LY6S: variants seen among roughly 807,000 people sequenced by gnomAD.
LY6S encodes lymphocyte antigen 6 family member S, also known as lymphocyte antigen 6S.
the LY6S span, among the ~76,000 whole-genome samples, chr8:143,071,265 C>G: frequency 6.6e-6 from 1 of 152,148 alleles, no homozygotes; most frequent in Non-Finnish European, 1.5e-5. Flanking sequence ...TTAAAGCACC[C>G]AAGAAGAGGT....
the LY6S span, among the ~76,000 whole-genome samples, chr8:143,067,502 G>A: frequency 4.6e-5 from 7 of 152,320 alleles, no homozygotes; most frequent in Admixed American, 2.0e-4. Context: ...AGTATTTCTC[G>A]TCAGGTGGAG....
the LY6S span, chr8:143,049,419 C>G: frequency 2.5e-6 from 1 of 397,864 alleles, no homozygotes; most frequent in Non-Finnish European, 5.1e-6. Context: ...GCAGCTCCGT[C>G]TTTCCAGAGG....
chr8:143,066,056 C>T, the LY6S span: 1 of 391,190 alleles, frequency 2.6e-6, no homozygotes. Context: ...AAAGTAGCTT[C>T]ACATACAGCT....
chr8:143,067,526 A>G, the LY6S span, among the ~76,000 whole-genome samples: 5 of 152,364 alleles, frequency 3.3e-5, no homozygotes, highest in South Asian at 1.0e-3. Flanking sequence ...AGAGACTGAG[A>G]AAAGAAATAA....
chr8:143,045,857 AT>A, the LY6S span, among the ~76,000 whole-genome samples: 526 of 148,084 alleles, frequency 3.6e-3, 4 homozygotes, highest in African/African-American at 0.012. The surrounding 1 kb of genome is among the most constrained non-coding windows in gnomAD (Gnocchi z 5.3). Context: ...CAATTTACTC[AT>A]TTTTTTTTTT....
At chr8:143,070,458 A>AT in the LY6S span, among the ~76,000 whole-genome samples, 1 of 44,000 alleles carries the variant, frequency 2.3e-5, no homozygotes, top group African/African-American at 7.4e-5. Flanking sequence ...ATATATATAT[A>AT]TATATAATAT....
chr8:143,067,040 C>T, the LY6S span, among the ~76,000 whole-genome samples: 9 of 152,224 alleles, frequency 5.9e-5, no homozygotes, highest in Admixed American at 3.9e-4. Context: ...CCCTCATGAA[C>T]GTGTTGGCGC....
At chr8:143,043,237 A>C in the LY6S span, 1 of 1,366,450 alleles carries the variant, frequency 7.3e-7, no homozygotes, top group Non-Finnish European at 9.8e-7. Flanking sequence ...TTGCAGCAAG[A>C]GATCTGGGAG....
chr8:143,068,569 T>A, the LY6S span, among the ~76,000 whole-genome samples: 2 of 152,038 alleles, frequency 1.3e-5, no homozygotes, highest in Non-Finnish European at 2.9e-5. Context: ...CAAGAGCCAA[T>A]TAAACCTCTT....
At chr8:143,052,163 C>T in the LY6S span, among the ~76,000 whole-genome samples, 1 of 144,602 alleles carries the variant, frequency 6.9e-6, no homozygotes, top group Non-Finnish European at 1.5e-5. Context: ...CGCCTGTAGT[C>T]CCAGCTACTT....
chr8:143,050,839 A>G, the LY6S span, among the ~76,000 whole-genome samples: 1 of 152,280 alleles, frequency 6.6e-6, no homozygotes, highest in African/African-American at 2.4e-5. Context: ...TGGTTAGTCT[A>G]CACCAAACAA....
the LY6S span, among the ~76,000 whole-genome samples, chr8:143,063,655 A>G: frequency 6.6e-6 from 1 of 152,232 alleles, no homozygotes. Flanking sequence ...ACACCTGGTC[A>G]ATAATTTCTA....
chr8:143,058,875 T>C, the LY6S span, among the ~76,000 whole-genome samples: 231 of 152,316 alleles, frequency 1.5e-3, no homozygotes, highest in African/African-American at 5.3e-3. Flanking sequence ...GCTCGCACTC[T>C]TGTCTTCCGG....
chr8:143,043,309 G>A, the LY6S span: 1 of 1,228,772 alleles, frequency 8.1e-7, no homozygotes. Context: ...CAGGAGAGGA[G>A]GGAGAGCTTG....
At chr8:143,075,823 C>G in the LY6S span, among the ~76,000 whole-genome samples, 486 of 152,270 alleles carry the variant, frequency 3.2e-3, 1 homozygote, top group African/African-American at 0.011. The surrounding 1 kb of genome is among the most constrained non-coding windows in gnomAD (Gnocchi z 4.1). Flanking sequence ...TAGTTTTAAT[C>G]ATTTCTAGGT....
At chr8:143,074,128 A>G in the LY6S span, among the ~76,000 whole-genome samples, 2 of 152,182 alleles carry the variant, frequency 1.3e-5, no homozygotes, top group African/African-American at 2.4e-5. Flanking sequence ...CTCCAGTTTT[A>G]TACTTCATGG....
At chr8:143,051,009 G>A in the LY6S span, among the ~76,000 whole-genome samples, 1 of 152,322 alleles carries the variant, frequency 6.6e-6, no homozygotes, top group East Asian at 1.9e-4. Flanking sequence ...GAAAGAACAG[G>A]TCTTCTAAAT....
chr8:143,054,753 AC>A, the LY6S span, among the ~76,000 whole-genome samples: 2 of 152,050 alleles, frequency 1.3e-5, no homozygotes, highest in African/African-American at 4.8e-5. Context: ...TCTGAGCAGG[AC>A]CCCTTCTTCC....
chr8:143,054,349 G>C, the LY6S span: 1 of 149,824 alleles, frequency 6.7e-6, no homozygotes, highest in Non-Finnish European at 1.5e-5. Context: ...CACTTGTGGT[G>C]GGACCCTAAG....
Sources: gnomAD v4.1 joint callset for allele counts (sites outside exome capture counted in the v4.1 genomes callset) on GRCh38, gnomAD v4.1.1 for gene constraint, Gnocchi (gnomAD v3.1) non-coding constraint, MANE v1.5 for transcripts, NCBI Gene and HGNC (gene_info 2026-07-23, HGNC 2026-07-21) for gene names.